The following DOP1B variants were observed in gnomAD, a reference collection of about 807,000 sequenced individuals.
The protein encoded by DOP1B is DOP1 leucine zipper like protein B.
Under a neutral mutation model 233.5 loss-of-function variants are expected in DOP1B, and 174 were observed. The ratio of observed to expected loss-of-function variants is 0.75; its 90% confidence interval spans 0.66 to 0.85. The LOEUF is 0.85. Among genes scored for constraint, DOP1B ranks in the 40% least tolerant of loss-of-function variants. The probability of loss-of-function intolerance (pLI) is 0.00; values close to 1 mark genes in which losing one functional copy is unlikely to be tolerated. For synonymous variants in DOP1B, 1,190 were observed against 1,185.6 expected, an observed-to-expected ratio of 1.00 and a Z score of -0.08; for missense variants, 2,652 against 2,846.6, an observed-to-expected ratio of 0.93 and a Z score of 1.56.
At chr21:36,292,013 A>G in intron 35 of DOP1B, 91 bp from the exon 36 acceptor site, 1 of 1,395,152 alleles carries the variant, frequency 7.2e-7, no homozygotes. Flanking sequence ...TTAAATAGAT[A>G]CAGTATGTGA....
intron 9 of DOP1B, among the ~76,000 whole-genome samples, chr21:36,217,980 A>G (rs1408938616): frequency 1.3e-5 from 2 of 152,216 alleles, no homozygotes; most frequent in African/African-American, 4.8e-5. Context: ...GCAAATGAAT[A>G]TCACGCTCCT....
chr21:36,208,201 C>T (rs2066451068), intron 4 of DOP1B, among the ~76,000 whole-genome samples: 1 of 151,660 alleles, frequency 6.6e-6, no homozygotes, highest in Non-Finnish European at 1.5e-5. Context: ...CAGATTTGCC[C>T]CTAGCATTTC....
At chr21:36,168,179 A>G (rs375360215) in intron 2 of DOP1B, among the ~76,000 whole-genome samples, 1 of 151,788 alleles carries the variant, frequency 6.6e-6, no homozygotes, top group East Asian at 1.9e-4. Context: ...CCTGACCTCC[A>G]GTGATCTGCC....
In DOP1B at chr21:36,278,028, T is replaced by C; in HGVS notation, c.5766T>C (p.Ala1922=). Reference sequence around the variant, plus strand: ...ATCGAAGTGATGAGAAGGAGAAAGCTGTGCCGTTAATCTCCCGTCTGCTTT... The same window carrying C: ...ATCGAAGTGATGAGAAGGAGAAAGCCGTGCCGTTAATCTCCCGTCTGCTTT... ...MVYRSDEKEK[A]VPLISRLLYY... Residue 1922 remains alanine (A), a synonymous_variant, in exon 29 of 37, where the codon GCT becomes GCC. Coordinates refer to ENST00000691173, the MANE Select transcript of DOP1B (RefSeq NM_001320714.2). 1.9e-6 allele frequency: 3 copies of C among 1,614,214 alleles called. No individual in the cohort carries two copies. Among genetic ancestry groups the C allele is most frequent in the Non-Finnish European group, 2.5e-6 (3 of 1,180,034 alleles).
chr21:36,242,302 A>G (rs1027260309), intron 18 of DOP1B, among the ~76,000 whole-genome samples: 2 of 151,750 alleles, frequency 1.3e-5, no homozygotes, highest in Admixed American at 6.6e-5. Flanking sequence ...CCTCCCAAGT[A>G]GCTGGGATTA....
Position 36,230,947 on chromosome 21 carries a change from C to A in DOP1B, c.2163C>A (p.Ser721Arg), listed in dbSNP as rs146384138. 2.0e-4 allele frequency: 328 copies of A among 1,614,050 alleles called. No homozygotes were observed. The highest frequency in any genetic ancestry group is 2.7e-4 in the Non-Finnish European group (313 of 1,180,030). ...SSESPSSSPS[S>R]PARKNGGEWD... Reference sequence around the variant, plus strand: ...AGTCACCATCGTCTTCGCCCAGCAGCCCTGCCAGGAAAAACGGGGGAGAAT... The same window carrying A: ...AGTCACCATCGTCTTCGCCCAGCAGACCTGCCAGGAAAAACGGGGGAGAAT... The change falls in exon 14 of 37, where the codon AGC (serine) becomes AGA (arginine). Residue 721 changes from serine to arginine, a missense_variant. By Grantham distance (110) the Ser-to-Arg change is moderately radical. Transcript: ENST00000691173.
At chr21:36,281,411 G>A in intron 31 of DOP1B, 72 bp from the exon 32 acceptor site, 1 of 1,475,046 alleles carries the variant, frequency 6.8e-7, no homozygotes, top group Non-Finnish European at 9.2e-7. Flanking sequence ...AATTACACTA[G>A]TATGAATTTC....
At chr21:36,257,586 CGTAGATAGATG>C (rs2067115058) in intron 23 of DOP1B, among the ~76,000 whole-genome samples, 1 of 148,956 alleles carries the variant, frequency 6.7e-6, no homozygotes, top group Non-Finnish European at 1.5e-5. Flanking sequence ...TAGGTTGATA[CGTAGATAGATG>C]ATAGATAGAT....
chr21:36,272,413 G>A (rs1051614903), intron 27 of DOP1B, among the ~76,000 whole-genome samples: 2 of 152,132 alleles, frequency 1.3e-5, no homozygotes, highest in African/African-American at 2.4e-5. Context: ...ACTTTGGGAG[G>A]CCAAGGTGAG....
chr21:36,289,419 T>A (rs2067529783), intron 35 of DOP1B, among the ~76,000 whole-genome samples: 1 of 137,200 alleles, frequency 7.3e-6, no homozygotes, highest in African/African-American at 2.6e-5. Flanking sequence ...TGAATGTGTT[T>A]CTATGGTGTG....
At position 36,246,394 on chromosome 21, in the gene DOP1B, T is replaced by C; in HGVS notation, c.4414T>C (p.Trp1472Arg). The change falls in exon 19 of 37, where the codon TGG becomes CGG. Residue 1472 changes from tryptophan to arginine, a missense_variant. Coordinates refer to ENST00000691173, the MANE Select transcript of DOP1B (RefSeq NM_001320714.2). The surrounding 1 kb of genome is among the most constrained non-coding windows in gnomAD (Gnocchi z 5.1). ...AAACCAGCCCGACCTGTCCCGGGAG[T>C]GGCAGAGAGCCCTGAACTTCCAGCA... The part of the protein sequence containing the change: ...AENQPDLSRE[W>R]QRALNFQQAI... 6.2e-7 allele frequency: 1 copy of C among 1,613,022 alleles called. No individual in the cohort carries two copies. The highest frequency in any genetic ancestry group is 1.3e-5 in the African/African-American group (1 of 74,906).
At chr21:36,269,878 C>T in intron 26 of DOP1B, 135 bp from the exon 27 acceptor site, 6 of 860,396 alleles carry the variant, frequency 7.0e-6, no homozygotes, top group Non-Finnish European at 9.1e-6. Context: ...CAATGTGGCT[C>T]CTAGAAAGCT....
intron 32 of DOP1B, among the ~76,000 whole-genome samples, chr21:36,287,082 C>T (rs1163914975): frequency 6.6e-6 from 1 of 151,984 alleles, no homozygotes; most frequent in African/African-American, 2.4e-5. Context: ...CCTAGGAAAC[C>T]TTAAGCTATG....
chr21:36,242,156 T>C (rs945280291), intron 18 of DOP1B, among the ~76,000 whole-genome samples: 1 of 143,136 alleles, frequency 7.0e-6, no homozygotes, highest in Non-Finnish European at 1.5e-5. Context: ...TTGGGCATTA[T>C]TATTATTATT....
rs754469281 is a variant in DOP1B, at chr21:36,179,862, C to T, written c.138+14991C>T. ...AATAAAGCTGTAATGAACATCTTTA[C>T]GCACGTGGCTATTTTTGTTAAGATA... On this transcript the variant is annotated intron_variant, in intron 2 of 36. Transcript: ENST00000691173. Among the ~76,000 whole-genome samples the T allele has an allele frequency of 7.2e-5, 11 of 152,148 alleles. No homozygotes were observed. The East Asian group carries it at 1.7e-3, about 24-fold the overall frequency.
chr21:36,257,976 TGTAG>T (rs1432354911), intron 23 of DOP1B, among the ~76,000 whole-genome samples: 14 of 147,968 alleles, frequency 9.5e-5, no homozygotes, highest in South Asian at 4.3e-4. Context: ...GGTAGGTAGA[TGTAG>T]GTAGGTAGGT....
At position 36,199,904 on chromosome 21, in the gene DOP1B, G is replaced by C. The variant is rs142344979; in HGVS notation, c.321-427G>C. Among the ~76,000 whole-genome samples, 19 of 152,254 alleles carry C rather than the reference G, an allele frequency of 1.2e-4. No homozygotes were observed. In the East Asian group the frequency reaches 3.7e-3, roughly 29 times the overall value. On this transcript the variant is annotated intron_variant, in intron 3 of 36. Transcript: ENST00000691173. ...TAGTGTTGCAATAAATATACGTGTG[G>C]ATGTGTCTTTATAGCAGTTTGATTT... is the stretch of plus-strand genomic sequence containing the variant.
intron 2 of DOP1B, among the ~76,000 whole-genome samples, chr21:36,191,938 T>A (rs1367808592): frequency 1.3e-5 from 2 of 152,156 alleles, no homozygotes; most frequent in African/African-American, 4.8e-5. Flanking sequence ...CACAGTTCAG[T>A]GGTATTAAGT....
At chr21:36,196,311 A>C (rs963042679) in intron 2 of DOP1B, among the ~76,000 whole-genome samples, 1 of 152,166 alleles carries the variant, frequency 6.6e-6, no homozygotes, top group Admixed American at 6.5e-5. Context: ...AAGCCATGGG[A>C]GTCGTGGAAA....
Sources: gnomAD v4.1 joint callset for allele counts (sites outside exome capture counted in the v4.1 genomes callset) on GRCh38, gnomAD v4.1.1 for gene constraint, Gnocchi (gnomAD v3.1) non-coding constraint, MANE v1.5 for transcripts, NCBI Gene and HGNC (gene_info 2026-07-23, HGNC 2026-07-21) for gene names.